GABRG3: variants seen among roughly 807,000 people sequenced by gnomAD.
The protein encoded by GABRG3 is gamma-aminobutyric acid type A receptor subunit gamma3.
In GABRG3, 25 loss-of-function variants were observed where a neutral mutation model predicts 48.8. That is an observed-to-expected ratio of 0.51 (90% CI 0.37 to 0.72). The LOEUF (loss-of-function observed/expected upper bound fraction) is 0.72. GABRG3 is among the 30% of genes least tolerant of loss of function. GABRG3 has a pLI of 0.00. For synonymous variants in GABRG3, 227 were observed against 217.6 expected, an observed-to-expected ratio of 1.04 and a Z score of -0.38; for missense variants, 394 against 577.9, an observed-to-expected ratio of 0.68 and a Z score of 3.26.
chr15:27,442,914 T>C (rs1888834386), intron 5 of GABRG3, among the ~76,000 whole-genome samples: 1 of 152,198 alleles, frequency 6.6e-6, no homozygotes, highest in Admixed American at 6.5e-5. Context: ...TGCCAGAGCC[T>C]TCCAATGAGG....
intron 3 of GABRG3, among the ~76,000 whole-genome samples, chr15:27,117,947 G>A (rs1404076011): frequency 6.6e-6 from 1 of 152,066 alleles, no homozygotes; most frequent in Non-Finnish European, 1.5e-5. Context: ...ATAACATGCA[G>A]GTGTAAGACC....
chr15:27,031,283 C>T (rs1896082219), intron 3 of GABRG3, among the ~76,000 whole-genome samples: 2 of 152,148 alleles, frequency 1.3e-5, no homozygotes, highest in South Asian at 4.1e-4. Context: ...ATCTTAAGAA[C>T]AGTGGCACTG....
intron 5 of GABRG3, among the ~76,000 whole-genome samples, chr15:27,467,830 C>T (rs1004832340): frequency 6.6e-6 from 1 of 152,194 alleles, no homozygotes; most frequent in African/African-American, 2.4e-5. Flanking sequence ...CCACGTTTTG[C>T]TTTCTGCAGT....
At chr15:27,380,853 C>CCTCCTG (rs199880462) in intron 5 of GABRG3, among the ~76,000 whole-genome samples, 7,647 of 151,184 alleles carry the variant, frequency 0.051, 252 homozygotes, top group Middle Eastern at 0.12. Context: ...GCAAGCTCTG[C>CCTCCTG]CTCCTGGGTT....
intron 5 of GABRG3, among the ~76,000 whole-genome samples, chr15:27,404,941 C>T (rs1887587794): frequency 6.6e-6 from 1 of 152,166 alleles, no homozygotes; most frequent in African/African-American, 2.4e-5. Flanking sequence ...CTGGTATGTC[C>T]TCGCAAGTCA....
At chr15:27,349,981 C>G (rs2140535111) in intron 5 of GABRG3, 2 of 304,192 alleles carry the variant, frequency 6.6e-6, no homozygotes, top group Middle Eastern at 1.0e-3. Flanking sequence ...CCTAACTTTC[C>G]CATCGGTACT....
intron 5 of GABRG3, among the ~76,000 whole-genome samples, chr15:27,470,627 T>C (rs1433770313): frequency 6.6e-6 from 1 of 152,100 alleles, no homozygotes; most frequent in Non-Finnish European, 1.5e-5. Context: ...TTTTTGGTCT[T>C]ATTTTTCTTG....
chr15:26,988,221 TAATC>T (rs1361344414), intron 2 of GABRG3, among the ~76,000 whole-genome samples: 6 of 152,212 alleles, frequency 3.9e-5, no homozygotes, highest in African/African-American at 1.4e-4. Context: ...CTATTTCTAT[TAATC>T]AAGAGTGAAA....
chr15:27,170,602 A>G (rs1311206078), intron 3 of GABRG3, among the ~76,000 whole-genome samples: 2 of 152,206 alleles, frequency 1.3e-5, no homozygotes, highest in Non-Finnish European at 2.9e-5. Context: ...ACAGAAACAT[A>G]TAAGTAATTA....
At chr15:27,459,294 C>T (rs1889380491) in intron 5 of GABRG3, among the ~76,000 whole-genome samples, 1 of 152,214 alleles carries the variant, frequency 6.6e-6, no homozygotes, top group African/African-American at 2.4e-5. Context: ...GAGCACACAT[C>T]ACCGCATGCA....
chr15:27,474,121 A>G (rs1889864936), intron 5 of GABRG3, among the ~76,000 whole-genome samples: 1 of 152,166 alleles, frequency 6.6e-6, no homozygotes, highest in South Asian at 2.1e-4. Context: ...AGACAGACAG[A>G]CTGATGGAGC....
intron 5 of GABRG3, among the ~76,000 whole-genome samples, chr15:27,430,548 A>G (rs966653102): frequency 3.3e-5 from 5 of 152,176 alleles, no homozygotes; most frequent in African/African-American, 1.2e-4. Flanking sequence ...ATCTAGGCAT[A>G]TGATCCATTT....
chr15:27,070,435 A>G (rs1034544025), intron 3 of GABRG3, among the ~76,000 whole-genome samples: 2 of 152,152 alleles, frequency 1.3e-5, no homozygotes, highest in Admixed American at 1.3e-4. Context: ...CCTCTGTTCA[A>G]TCCAACTGCA....
chr15:27,509,492 A>AT (rs1398926314), intron 6 of GABRG3, among the ~76,000 whole-genome samples: 4 of 151,748 alleles, frequency 2.6e-5, no homozygotes, highest in Admixed American at 6.6e-5. Context: ...ACAGTTTGTT[A>AT]TTTTTTCACA....
chr15:27,438,121 C>A (rs1278677647), intron 5 of GABRG3, among the ~76,000 whole-genome samples: 1 of 152,118 alleles, frequency 6.6e-6, no homozygotes, highest in Non-Finnish European at 1.5e-5. Context: ...TCCAGGGATC[C>A]AAGATGGGCT....
At chr15:27,307,365 ATATAGGTTTATATATTTATATATAAC>A (rs1566770999) in intron 3 of GABRG3, among the ~76,000 whole-genome samples, 231 of 20,002 alleles carry the variant, frequency 0.012, 27 homozygotes, top group African/African-American at 0.041. Context: ...ATATATAACC[ATATAGGTTTATATATTTATATATAAC>A]CATATAGGTT....
intron 3 of GABRG3, among the ~76,000 whole-genome samples, chr15:27,102,125 G>C (rs1156240921): frequency 6.6e-6 from 1 of 152,136 alleles, no homozygotes; most frequent in Non-Finnish European, 1.5e-5. Context: ...AAAGTGGATC[G>C]GTACTCCTGA....
intron 3 of GABRG3, among the ~76,000 whole-genome samples, chr15:27,186,828 A>G (rs540974215): frequency 6.8e-4 from 104 of 151,950 alleles, no homozygotes; most frequent in Non-Finnish European, 1.2e-3. Context: ...CCATTTTTCA[A>G]TGGGGTTATT....
chr15:27,077,815 C>T (rs1896933456), intron 3 of GABRG3, among the ~76,000 whole-genome samples: 1 of 152,194 alleles, frequency 6.6e-6, no homozygotes, highest in African/African-American at 2.4e-5. Flanking sequence ...GTATTTAAGG[C>T]TGAGTCCTAT....
Sources: gnomAD v4.1 joint callset for allele counts (sites outside exome capture counted in the v4.1 genomes callset) on GRCh38, gnomAD v4.1.1 for gene constraint, MANE v1.5 for transcripts, NCBI Gene and HGNC (gene_info 2026-07-23, HGNC 2026-07-21) for gene names.